Variants in ACTR3C observed in about 807,000 individuals in gnomAD.
ACTR3C encodes the protein actin-related protein 3C.
A neutral mutation model predicts 26.3 loss-of-function variants in ACTR3C; 18 were observed. That is an observed-to-expected ratio of 0.68 (90% confidence interval 0.47 to 1.01). The LOEUF (loss-of-function observed/expected upper bound fraction) is 1.01. Among genes scored for constraint, ACTR3C ranks in the 50% least tolerant of loss-of-function variants. The pLI, the probability that ACTR3C is intolerant of heterozygous loss-of-function variation, is 0.00. For synonymous variants in ACTR3C, 55 were observed against 94.5 expected (o/e 0.58, Z 2.42); for missense variants, 184 against 250.7 (o/e 0.73, Z 1.80).
chr7:149,902,674 G>T, the ACTR3C span, among the ~76,000 whole-genome samples: 7 of 91,006 alleles, frequency 7.7e-5, no homozygotes, highest in African/African-American at 1.5e-4. Flanking sequence ...AGTAGGTGGG[G>T]TGGCTCACAC....
At chr7:149,889,040 A>T in the ACTR3C span, among the ~76,000 whole-genome samples, 4,857 of 150,238 alleles carry the variant, frequency 0.032, 252 homozygotes, top group African/African-American at 0.11. Context: ...AAAAGAAATT[A>T]AAAAAAAACC....
At chr7:150,080,217 T>G in the ACTR3C span, among the ~76,000 whole-genome samples, 1 of 150,740 alleles carries the variant, frequency 6.6e-6, no homozygotes, top group African/African-American at 2.4e-5. Context: ...CAACAAGAGG[T>G]TTGGATCCGC....
intron 6 of ACTR3C, among the ~76,000 whole-genome samples, chr7:150,249,516 C>T (rs2888651): frequency 4.6e-5 from 7 of 152,058 alleles, no homozygotes; most frequent in Admixed American, 3.3e-4. Flanking sequence ...TGCAGTGGCA[C>T]GATCTGGGCT....
the ACTR3C span, among the ~76,000 whole-genome samples, chr7:149,983,465 G>A: frequency 1.4e-3 from 42 of 30,410 alleles, no homozygotes; most frequent in South Asian, 3.1e-3. Flanking sequence ...ATATATATAT[G>A]TAGGAAAACA....
the ACTR3C span, among the ~76,000 whole-genome samples, chr7:149,921,965 T>C: frequency 2.6e-5 from 4 of 151,644 alleles, no homozygotes; most frequent in Non-Finnish European, 2.9e-5. Flanking sequence ...GCTTGTTATG[T>C]TTCCTTCCTT....
the ACTR3C span, among the ~76,000 whole-genome samples, chr7:150,149,088 T>TATAC: frequency 8.6e-5 from 1 of 11,610 alleles, no homozygotes. Flanking sequence ...AGTATATATA[T>TATAC]ATATATATAT....
At chr7:150,133,237 C>T in the ACTR3C span, among the ~76,000 whole-genome samples, 4 of 152,040 alleles carry the variant, frequency 2.6e-5, no homozygotes, top group Non-Finnish European at 4.4e-5. Flanking sequence ...GCCCTGTGTT[C>T]GACGAGCCAG....
chr7:150,134,563 G>C, the ACTR3C span, among the ~76,000 whole-genome samples: 1 of 152,260 alleles, frequency 6.6e-6, no homozygotes, highest in Non-Finnish European at 1.5e-5. Flanking sequence ...GTCAGATATA[G>C]TTCAGGTCAC....
the ACTR3C span, among the ~76,000 whole-genome samples, chr7:149,906,267 G>T: frequency 8.3e-4 from 126 of 151,996 alleles, no homozygotes; most frequent in Non-Finnish European, 1.2e-3. Context: ...CCAGAGGAAA[G>T]AAAAGAGGAA....
chr7:150,112,945 A>G, the ACTR3C span, among the ~76,000 whole-genome samples: 2 of 151,998 alleles, frequency 1.3e-5, no homozygotes, highest in African/African-American at 2.4e-5. Flanking sequence ...CTCATAAATT[A>G]TATCAGTTTC....
the ACTR3C span, among the ~76,000 whole-genome samples, chr7:149,984,948 T>C: frequency 0.019 from 2,966 of 152,218 alleles, 98 homozygotes; most frequent in African/African-American, 0.067. Flanking sequence ...TGTTTCACCA[T>C]TTATCTGTGA....
At chr7:150,035,748 G>C in the ACTR3C span, among the ~76,000 whole-genome samples, 9 of 139,276 alleles carry the variant, frequency 6.5e-5, no homozygotes, top group East Asian at 1.7e-3. Flanking sequence ...TCCCCGCCTC[G>C]CGGGGGGTGC....
chr7:149,928,088 C>CA, the ACTR3C span, among the ~76,000 whole-genome samples: 1 of 152,074 alleles, frequency 6.6e-6, no homozygotes, highest in African/African-American at 2.4e-5. Flanking sequence ...CACTGCCTAG[C>CA]AAAATTACAT....
chr7:150,078,681 A>G, the ACTR3C span, among the ~76,000 whole-genome samples: 2 of 152,190 alleles, frequency 1.3e-5, no homozygotes, highest in Non-Finnish European at 1.5e-5. Context: ...CAACTTGACC[A>G]GCCAATGGGA....
chr7:150,117,759 G>T, the ACTR3C span, among the ~76,000 whole-genome samples: 14 of 152,218 alleles, frequency 9.2e-5, no homozygotes, highest in Admixed American at 9.2e-4. Context: ...CTCCTCAAGT[G>T]GGTCCCTCAC....
chr7:150,041,703 C>T, the ACTR3C span, among the ~76,000 whole-genome samples: 3,291 of 114,240 alleles, frequency 0.029, 1 homozygote, highest in South Asian at 0.075. Context: ...CAGTCCCCAC[C>T]CTCGCGGGGG....
the ACTR3C span, among the ~76,000 whole-genome samples, chr7:149,885,512 G>A: frequency 2.0e-5 from 3 of 152,214 alleles, no homozygotes; most frequent in Non-Finnish European, 4.4e-5. Flanking sequence ...TGTTCTCCCC[G>A]CAGGCGGCTT....
chr7:150,212,618 A>G, the ACTR3C span, among the ~76,000 whole-genome samples: 4 of 151,620 alleles, frequency 2.6e-5, no homozygotes, highest in Non-Finnish European at 5.9e-5. Context: ...AGAAATTACC[A>G]ATTAGACAAC....
the ACTR3C span, among the ~76,000 whole-genome samples, chr7:150,132,038 G>A: frequency 6.6e-6 from 1 of 152,218 alleles, no homozygotes; most frequent in Admixed American, 6.5e-5. Flanking sequence ...CTACAGCGAT[G>A]GCTATTGAGG....
Sources: gnomAD v4.1 joint callset for allele counts (sites outside exome capture counted in the v4.1 genomes callset) on GRCh38, gnomAD v4.1.1 for gene constraint, MANE v1.5 for transcripts, NCBI Gene and HGNC (gene_info 2026-07-23, HGNC 2026-07-21) for gene names.